The following DYNC2H1 variants were observed in gnomAD, a reference collection of about 807,000 sequenced individuals.
The protein encoded by DYNC2H1 is cytoplasmic dynein 2 heavy chain 1.
Under a neutral mutation model 570.0 loss-of-function variants are expected in DYNC2H1, and 410 were observed. The observed-to-expected ratio is 0.72, with a 90% CI of 0.66 to 0.78. The LOEUF is 0.78. Among genes scored for constraint, DYNC2H1 ranks in the 30% least tolerant of loss-of-function variants. The pLI, the probability that DYNC2H1 is intolerant of heterozygous loss-of-function variation, is 0.00. For missense variants in DYNC2H1, 4,865 were observed against 5,046.4 expected (o/e 0.96, Z 1.09); for synonymous variants, 1,688 against 1,677.6 (o/e 1.01, Z -0.15).
chr11:103,451,361 T>C (rs1944597037), intron 85 of DYNC2H1, among the ~76,000 whole-genome samples: 1 of 118,826 alleles, frequency 8.4e-6, no homozygotes, highest in African/African-American at 3.4e-5. Flanking sequence ...TGAGATGGAG[T>C]CTTGCTCTAT....
chr11:103,421,691 G>A (rs566459168), intron 84 of DYNC2H1, among the ~76,000 whole-genome samples: 1 of 152,196 alleles, frequency 6.6e-6, no homozygotes, highest in African/African-American at 2.4e-5. Context: ...CAGAATCTCT[G>A]GGATGCAGCT....
intron 70 of DYNC2H1, among the ~76,000 whole-genome samples, chr11:103,271,893 G>C (rs1188177430): frequency 6.6e-6 from 1 of 152,190 alleles, no homozygotes; most frequent in Non-Finnish European, 1.5e-5. Flanking sequence ...ACACCAGTTA[G>C]AATGGCGATC....
At chr11:103,142,575 A>G (rs1860006714) in intron 17 of DYNC2H1, among the ~76,000 whole-genome samples, 1 of 152,176 alleles carries the variant, frequency 6.6e-6, no homozygotes, top group African/African-American at 2.4e-5. Context: ...AGGCTGAAGT[A>G]GGAGAATCAT....
chr11:103,306,633 A>G (rs762312113), intron 77 of DYNC2H1, among the ~76,000 whole-genome samples: 5 of 152,144 alleles, frequency 3.3e-5, no homozygotes, highest in Non-Finnish European at 5.9e-5. Context: ...TTAAGCAAGC[A>G]CAATGTTTTT....
chr11:103,113,752 A>G, intron 2 of DYNC2H1, 45 bp downstream of exon 2: 1 of 1,387,824 alleles, frequency 7.2e-7, no homozygotes, highest in Non-Finnish European at 9.6e-7. Context: ...GTATTTGGAT[A>G]AATGTTTTCA....
At chr11:103,112,792 TA>T (rs1858176369) in intron 1 of DYNC2H1, among the ~76,000 whole-genome samples, 1 of 152,188 alleles carries the variant, frequency 6.6e-6, no homozygotes, top group African/African-American at 2.4e-5. Flanking sequence ...GAAATGAGAA[TA>T]ACTGAGAATG....
intron 82 of DYNC2H1, among the ~76,000 whole-genome samples, chr11:103,331,973 T>C (rs1462815144): frequency 6.6e-6 from 1 of 151,862 alleles, no homozygotes; most frequent in African/African-American, 2.4e-5. Flanking sequence ...GGCAGGAGAA[T>C]TGCTTGAACC....
intron 83 of DYNC2H1, 87 bp from the exon 84 acceptor site, chr11:103,399,576 A>T: frequency 1.1e-6 from 1 of 924,168 alleles, no homozygotes; most frequent in East Asian, 2.6e-5. Flanking sequence ...ACAGAATAGA[A>T]CAAAAGGTTT....
rs768146815 is a variant in DYNC2H1, at chr11:103,304,577, G to GT, written c.11257-11dup. On this transcript the variant is annotated splice_polypyrimidine_tract_variant and intron_variant, in intron 76 of 88. Transcript: ENST00000375735. ...GCAGATCTGTTTTTAAATTTTGTTT[G>GT]TTTTTTTGCTTTTGTAGGTTGCCAT... 4.4e-5 allele frequency: 70 copies of GT among 1,603,644 alleles called. No homozygotes were observed. Among genetic ancestry groups the GT allele is most frequent in the African/African-American group, 1.1e-4 (8 of 74,610 alleles).
chr11:103,424,636 C>T (rs911490788), intron 84 of DYNC2H1, among the ~76,000 whole-genome samples: 1 of 146,388 alleles, frequency 6.8e-6, no homozygotes, highest in Non-Finnish European at 1.5e-5. Flanking sequence ...CAAACAATGA[C>T]TATTTGATTT....
At chr11:103,332,090 GAAAAAGCAT>G (rs1159034859) in intron 82 of DYNC2H1, among the ~76,000 whole-genome samples, 1 of 151,434 alleles carries the variant, frequency 6.6e-6, no homozygotes, top group Non-Finnish European at 1.5e-5. Flanking sequence ...AAGTTCCGAT[GAAAAAGCAT>G]AATATGCAAG....
At chr11:103,215,231 T>G (rs967702037) in intron 54 of DYNC2H1, among the ~76,000 whole-genome samples, 9 of 152,182 alleles carry the variant, frequency 5.9e-5, no homozygotes, top group Non-Finnish European at 1.3e-4. Flanking sequence ...TCTTGTTCAG[T>G]TCTTAGAAAA....
chr11:103,199,555 A>G lies in DYNC2H1; in HGVS notation c.8088+79A>G, dbSNP rs185750353. 1 of 1,317,918 alleles carries G rather than the reference A, an allele frequency of 7.6e-7. No individual in the cohort carries two copies. Among genetic ancestry groups the G allele is most frequent in the Admixed American group, 3.2e-5 (1 of 31,256 alleles). 81.6% of individuals were successfully genotyped at this position (1,317,918 alleles called of 1,614,324 possible). A position where few individuals can be genotyped will look rare whatever the true frequency, so the allele number is the denominator to read the frequency against. ...ACTCTAAACATCTTTAAAGACCTAAAGGTTTAAAGAACTAAAGTTTTAAAG... is the reference window on the plus strand; with the variant it reads ...ACTCTAAACATCTTTAAAGACCTAAGGGTTTAAAGAACTAAAGTTTTAAAG... On this transcript the variant is annotated intron_variant, in intron 49 of 88. Coordinates refer to ENST00000375735, the MANE Select transcript of DYNC2H1 (RefSeq NM_001377.3). This position sits in a 1 kb window ranked among gnomAD's most constrained non-coding sequence, Gnocchi z 4.6.
chr11:103,390,100 T>C (rs182709090), intron 83 of DYNC2H1, among the ~76,000 whole-genome samples: 1 of 152,316 alleles, frequency 6.6e-6, no homozygotes, highest in Non-Finnish European at 1.5e-5. Context: ...AGTGGGGTGT[T>C]AAAGTCTCCC....
chr11:103,112,932 A>G (rs1858182719), intron 1 of DYNC2H1, among the ~76,000 whole-genome samples: 1 of 152,232 alleles, frequency 6.6e-6, no homozygotes, highest in Admixed American at 6.5e-5. Flanking sequence ...TTCCGATTTA[A>G]AATAATCTAG....
In DYNC2H1 at chr11:103,254,804, C is replaced by G. The variant is rs556956568; in HGVS notation, c.10207-611C>G. Among the ~76,000 whole-genome samples the G allele has an allele frequency of 6.6e-6, 1 of 152,012 alleles. No individual in the cohort carries two copies. The highest frequency in any genetic ancestry group is 1.5e-5 in the Non-Finnish European group (1 of 68,020). ...TTTATTTTTTTGAGACGGAGTCTGGCACTGTTGCCCAGGCTGGAGTGCAAT... is the reference window on the plus strand; with the variant it reads ...TTTATTTTTTTGAGACGGAGTCTGGGACTGTTGCCCAGGCTGGAGTGCAAT... On this transcript the variant is annotated intron_variant, in intron 66 of 88. Transcript: ENST00000375735. This position sits in a 1 kb window ranked among gnomAD's most constrained non-coding sequence, Gnocchi z 4.9.
At chr11:103,454,973 T>C (rs1944734907) in intron 85 of DYNC2H1, 1 of 460,954 alleles carries the variant, frequency 2.2e-6, no homozygotes, top group Non-Finnish European at 3.8e-6. Context: ...CAACAAACAA[T>C]TGTGCAAGGA....
At chr11:103,391,268 CT>C (rs1229932030) in intron 83 of DYNC2H1, among the ~76,000 whole-genome samples, 1 of 152,156 alleles carries the variant, frequency 6.6e-6, no homozygotes, top group Admixed American at 6.5e-5. Context: ...CACTGATATC[CT>C]TTCTTCCAGT....
In DYNC2H1 at chr11:103,116,539, T is replaced by C. The variant is rs369500004; in HGVS notation, c.622-31T>C. The C allele has an allele frequency of 4.0e-5, 62 of 1,543,778 alleles. No individual in the cohort carries two copies. The African/African-American group carries it at 7.7e-4, about 19-fold the overall frequency. On this transcript the variant is annotated intron_variant, in intron 4 of 88. Transcript: ENST00000375735. ...ATATTACCCAAGGTACAAATATAATTATGTTTAAAAATTAATGCATTTTTT... is the reference window on the plus strand; with the variant it reads ...ATATTACCCAAGGTACAAATATAATCATGTTTAAAAATTAATGCATTTTTT...
Sources: gnomAD v4.1 joint callset for allele counts (sites outside exome capture counted in the v4.1 genomes callset) on GRCh38, gnomAD v4.1.1 for gene constraint, Gnocchi (gnomAD v3.1) non-coding constraint, MANE v1.5 for transcripts, NCBI Gene and HGNC (gene_info 2026-07-23, HGNC 2026-07-21) for gene names.